Variants in CCDC171 observed in about 807,000 individuals in gnomAD.
CCDC171 encodes the protein coiled-coil domain-containing protein 171.
A neutral mutation model predicts 168.2 loss-of-function variants in CCDC171; 177 were observed. That is an observed-to-expected ratio of 1.05 (90% confidence interval 0.93 to 1.19). The LOEUF (loss-of-function observed/expected upper bound fraction) is 1.19. Among genes scored for constraint, CCDC171 ranks in the 50% most tolerant of loss-of-function variants. The pLI, the probability that CCDC171 is intolerant of heterozygous loss-of-function variation, is 0.00. For synonymous variants in CCDC171, 687 were observed against 540.8 expected (o/e 1.27, Z -3.75); for missense variants, 1,991 against 1,539.0 (o/e 1.29, Z -4.91).
At chr9:16,082,261 T>C in the CCDC171 span, among the ~76,000 whole-genome samples, 1 of 152,194 alleles carries the variant, frequency 6.6e-6, no homozygotes, top group Non-Finnish European at 1.5e-5. Context: ...ACTTGGAGAA[T>C]GAGGGGCTTT....
At chr9:15,698,804 C>T (rs1430298957) in intron 11 of CCDC171, among the ~76,000 whole-genome samples, 1 of 152,184 alleles carries the variant, frequency 6.6e-6, no homozygotes, top group Non-Finnish European at 1.5e-5. Context: ...CCTCCTGCCT[C>T]AGCCTCCTAA....
chr9:15,829,433 T>C (rs969363967), intron 21 of CCDC171, among the ~76,000 whole-genome samples: 2 of 152,098 alleles, frequency 1.3e-5, no homozygotes, highest in East Asian at 3.9e-4. Context: ...CATGTAAAGA[T>C]GAGAAGAGGG....
chr9:15,793,165 G>GT (rs1490062221), intron 21 of CCDC171, among the ~76,000 whole-genome samples: 10 of 151,856 alleles, frequency 6.6e-5, no homozygotes, highest in Non-Finnish European at 1.3e-4. Context: ...AAAGGCAGGG[G>GT]TTGCAATCCT....
chr9:15,811,421 T>TC (rs2059350971), intron 21 of CCDC171, among the ~76,000 whole-genome samples: 1 of 152,166 alleles, frequency 6.6e-6, no homozygotes, highest in South Asian at 2.1e-4. Context: ...TTTCTTTTTT[T>TC]CCCCACCCCC....
intron 18 of CCDC171, among the ~76,000 whole-genome samples, chr9:15,747,040 G>A (rs1000687070): frequency 6.6e-6 from 1 of 152,220 alleles, no homozygotes; most frequent in Admixed American, 6.5e-5. Context: ...GCAGCAGTCT[G>A]AGAATGACCT....
intron 4 of CCDC171, among the ~76,000 whole-genome samples, chr9:15,583,277 T>C (rs1376911041): frequency 6.6e-6 from 1 of 151,836 alleles, no homozygotes; most frequent in Non-Finnish European, 1.5e-5. Context: ...TAGCTGGGTG[T>C]GGTGGCGCAC....
chr9:15,744,462 G>T lies in CCDC171; in HGVS notation c.2239G>T (p.Ala747Ser). 6.2e-7 allele frequency: 1 copy of T among 1,614,044 alleles called. No individual in the cohort carries two copies. The highest frequency in any genetic ancestry group is 8.5e-7 in the Non-Finnish European group (1 of 1,180,018). The part of the protein sequence containing the change: ...ALYPLYSRSC[A>S]LSTQRDFLQE... The stretch of plus-strand genomic sequence containing the variant: ...ATATCCCCTCTATAGCCGATCATGC[G>T]CCTTGTCTACACAGAGAGATTTTCT... Residue 747 changes from alanine (A) to serine (S), a missense_variant, in exon 17 of 26, where the codon GCC becomes TCC. Coordinates refer to ENST00000380701, the MANE Select transcript of CCDC171 (RefSeq NM_173550.4).
At chr9:15,962,087 T>C (rs1013395379) in intron 25 of CCDC171, among the ~76,000 whole-genome samples, 1 of 152,192 alleles carries the variant, frequency 6.6e-6, no homozygotes, top group Non-Finnish European at 1.5e-5. Context: ...TGTCCATAAA[T>C]AAAGTTATAT....
Position 15,695,258 on chromosome 9 carries a change from A to G in CCDC171, c.1239A>G (p.Leu413=). The G allele has an allele frequency of 5.6e-6, 9 of 1,614,016 alleles. No homozygotes were observed. The highest frequency in any genetic ancestry group is 7.6e-6 in the Non-Finnish European group (9 of 1,179,888). ...LVMAKKHQAF[L]VETCENNVKE... ...AGGCTAAGAAGCACCAGGCCTTCCT[A>G]GTAGAGACATGTGAAAATAACGTGA... The change falls in exon 11 of 26, where the codon CTA becomes CTG. Residue 413 remains leucine (L), a synonymous_variant. Transcript: ENST00000380701.
At chr9:16,102,261 G>A in the CCDC171 span, among the ~76,000 whole-genome samples, 1 of 152,124 alleles carries the variant, frequency 6.6e-6, no homozygotes, top group East Asian at 1.9e-4. Context: ...CTGGCCTCCT[G>A]GACCCTGCAG....
At chr9:15,672,331 C>G (rs1214229095) in intron 9 of CCDC171, among the ~76,000 whole-genome samples, 1 of 152,150 alleles carries the variant, frequency 6.6e-6, no homozygotes, top group African/African-American at 2.4e-5. Context: ...CTTTCTTTTG[C>G]TGTGCAGAAG....
chr9:15,566,640 A>T (rs980029980), intron 2 of CCDC171, among the ~76,000 whole-genome samples: 1 of 152,154 alleles, frequency 6.6e-6, no homozygotes, highest in African/African-American at 2.4e-5. Flanking sequence ...TTGTTTTCTT[A>T]ATAGTGTCTT....
intron 11 of CCDC171, among the ~76,000 whole-genome samples, chr9:15,703,630 C>G (rs2051974191): frequency 6.6e-6 from 1 of 152,208 alleles, no homozygotes; most frequent in South Asian, 2.1e-4. Flanking sequence ...GTGTATATAT[C>G]CCACTTAAAA....
At chr9:16,057,062 A>G (rs1201308289) in intron 1 of CCDC171, among the ~76,000 whole-genome samples, 1 of 152,212 alleles carries the variant, frequency 6.6e-6, no homozygotes, top group African/African-American at 2.4e-5. Flanking sequence ...TTTAAGAAGA[A>G]ACAATAACCT....
intron 24 of CCDC171, among the ~76,000 whole-genome samples, chr9:15,890,338 G>A (rs1472452076): frequency 6.6e-6 from 1 of 152,154 alleles, no homozygotes; most frequent in African/African-American, 2.4e-5. Flanking sequence ...GCTTCATAGA[G>A]GAGGTAGCAT....
chr9:15,667,588 G>T (rs1219276295), intron 9 of CCDC171, among the ~76,000 whole-genome samples: 1 of 152,180 alleles, frequency 6.6e-6, no homozygotes, highest in East Asian at 1.9e-4. Flanking sequence ...AGAGGTTGCA[G>T]TGAGCTGAGA....
intron 21 of CCDC171, among the ~76,000 whole-genome samples, chr9:15,805,575 G>C (rs2059035712): frequency 6.6e-6 from 1 of 152,076 alleles, no homozygotes. Context: ...TTTTAGCACT[G>C]AGTTCTAATT....
chr9:16,073,062 C>T, the CCDC171 span, among the ~76,000 whole-genome samples: 1 of 152,220 alleles, frequency 6.6e-6, no homozygotes, highest in East Asian at 1.9e-4. Context: ...AAATCTGTTT[C>T]ATGCACACAA....
At chr9:16,105,902 G>T in the CCDC171 span, among the ~76,000 whole-genome samples, 3 of 152,202 alleles carry the variant, frequency 2.0e-5, no homozygotes, top group African/African-American at 7.2e-5. Context: ...ACAAGGTTTT[G>T]TACTCTTTTT....
Sources: gnomAD v4.1 joint callset for allele counts (sites outside exome capture counted in the v4.1 genomes callset) on GRCh38, gnomAD v4.1.1 for gene constraint, MANE v1.5 for transcripts, NCBI Gene and HGNC (gene_info 2026-07-23, HGNC 2026-07-21) for gene names.